NRXN3: variants seen among roughly 807,000 people sequenced by gnomAD.
The protein encoded by NRXN3 is neurexin III.
NRXN3 carries 32 observed loss-of-function variants against 137.6 expected under a neutral mutation model. The ratio of observed to expected loss-of-function variants is 0.23; its 90% CI spans 0.18 to 0.31. The LOEUF (loss-of-function observed/expected upper bound fraction) is 0.31, where lower values mean the gene tolerates loss of function less well. NRXN3 is among the 10% of genes least tolerant of loss of function. NRXN3 has a pLI of 1.00. For synonymous variants in NRXN3, 798 were observed against 784.5 expected (o/e 1.02, Z -0.29); for missense variants, 1,574 against 2,062.5 (o/e 0.76, Z 4.59).
intron 15 of NRXN3, among the ~76,000 whole-genome samples, chr14:79,303,216 A>T (rs1009671753): frequency 1.3e-5 from 2 of 152,020 alleles, no homozygotes; most frequent in African/African-American, 4.8e-5. Context: ...GGAATTTTTC[A>T]ATCAGCTCTT....
intron 6 of NRXN3, 126 bp downstream of exon 6, chr14:78,651,452 C>T: frequency 8.8e-7 from 1 of 1,132,004 alleles, no homozygotes; most frequent in East Asian, 2.6e-5. Flanking sequence ...GCAGAAACAA[C>T]CTTGAACTTG....
intron 10 of NRXN3, among the ~76,000 whole-genome samples, chr14:78,859,066 G>A (rs577097990): frequency 7.2e-5 from 11 of 152,050 alleles, no homozygotes; most frequent in African/African-American, 2.4e-4. Flanking sequence ...ACAGGGGGGC[G>A]GTTTCCCCCA....
intron 10 of NRXN3, among the ~76,000 whole-genome samples, chr14:78,858,383 G>A (rs929191208): frequency 6.6e-6 from 1 of 152,142 alleles, no homozygotes; most frequent in Non-Finnish European, 1.5e-5. Context: ...CAGGAAGCAG[G>A]CAGTTTGTAA....
At chr14:78,225,944 G>T (rs1261462061) in intron 1 of NRXN3, among the ~76,000 whole-genome samples, 14 of 148,032 alleles carry the variant, frequency 9.5e-5, no homozygotes, top group African/African-American at 3.5e-4. Context: ...AGTAGCAGGT[G>T]TTTTTTTGGT....
At chr14:79,507,535 A>G (rs1383009152) in intron 16 of NRXN3, among the ~76,000 whole-genome samples, 2 of 152,214 alleles carry the variant, frequency 1.3e-5, no homozygotes, top group Non-Finnish European at 1.5e-5. Flanking sequence ...TTAATAAAAT[A>G]CCAGGAAGAG....
chr14:78,805,840 G>A (rs1261219389), intron 9 of NRXN3, among the ~76,000 whole-genome samples: 1 of 152,064 alleles, frequency 6.6e-6, no homozygotes, highest in Non-Finnish European at 1.5e-5. Flanking sequence ...TCACATCTTA[G>A]AAGGAAAAAC....
intron 10 of NRXN3, among the ~76,000 whole-genome samples, chr14:78,846,082 A>G (rs750846042): frequency 7.2e-5 from 11 of 152,098 alleles, no homozygotes; most frequent in South Asian, 6.2e-4. Flanking sequence ...CTTCAAGAAC[A>G]TCTGCTTCAG....
intron 4 of NRXN3, among the ~76,000 whole-genome samples, chr14:78,390,805 G>A (rs527406947): frequency 6.6e-6 from 1 of 152,146 alleles, no homozygotes; most frequent in South Asian, 2.1e-4. Flanking sequence ...TAAGTTCCAC[G>A]ATACATGTGC....
chr14:78,563,768 C>T (rs2152280932), intron 4 of NRXN3, among the ~76,000 whole-genome samples: 1 of 152,276 alleles, frequency 6.6e-6, no homozygotes, highest in African/African-American at 2.4e-5. Context: ...TGAGATCATT[C>T]TCTTTTGCCT....
At chr14:79,282,285 C>G (rs943796982) in intron 15 of NRXN3, among the ~76,000 whole-genome samples, 1 of 151,994 alleles carries the variant, frequency 6.6e-6, no homozygotes, top group Non-Finnish European at 1.5e-5. Context: ...TTACTAATAG[C>G]CATAATTAAA....
intron 15 of NRXN3, among the ~76,000 whole-genome samples, chr14:79,048,123 G>A (rs2099635750): frequency 6.6e-6 from 1 of 152,118 alleles, no homozygotes; most frequent in Non-Finnish European, 1.5e-5. Flanking sequence ...CAACATGTAT[G>A]CATCTCAAAT....
intron 8 of NRXN3, among the ~76,000 whole-genome samples, chr14:78,768,921 G>T (rs1376372508): frequency 6.6e-6 from 1 of 152,158 alleles, no homozygotes; most frequent in African/African-American, 2.4e-5. Flanking sequence ...TTTTAAGGAG[G>T]ATCCATTACA....
chr14:78,469,947 T>G (rs2095225437), intron 4 of NRXN3, among the ~76,000 whole-genome samples: 1 of 152,254 alleles, frequency 6.6e-6, no homozygotes, highest in African/African-American at 2.4e-5. Flanking sequence ...TTGATATGCT[T>G]GTTGTTAATG....
intron 4 of NRXN3, among the ~76,000 whole-genome samples, chr14:78,467,174 C>A (rs1017683121): frequency 6.6e-6 from 1 of 152,172 alleles, no homozygotes; most frequent in Admixed American, 6.5e-5. Flanking sequence ...CAGGACCTCT[C>A]ACGACTGTGC....
At chr14:78,422,740 A>C (rs1025293273) in intron 4 of NRXN3, among the ~76,000 whole-genome samples, 1 of 152,202 alleles carries the variant, frequency 6.6e-6, no homozygotes, top group Non-Finnish European at 1.5e-5. Flanking sequence ...CAGTTCACAA[A>C]ATGAAGTGGT....
chr14:78,273,762 A>T (rs2073153865), intron 2 of NRXN3, among the ~76,000 whole-genome samples: 1 of 152,214 alleles, frequency 6.6e-6, no homozygotes, highest in Non-Finnish European at 1.5e-5. Flanking sequence ...ACCAGGTAAG[A>T]TTGATCTAGG....
At chr14:78,650,635 C>T (rs751139752) in intron 5 of NRXN3, among the ~76,000 whole-genome samples, 4 of 150,740 alleles carry the variant, frequency 2.7e-5, no homozygotes, top group Non-Finnish European at 5.9e-5. Context: ...GCATGTTTGT[C>T]AGCGTGGTGT....
At chr14:79,200,190 G>A (rs1243254844) in intron 15 of NRXN3, among the ~76,000 whole-genome samples, 3 of 152,304 alleles carry the variant, frequency 2.0e-5, no homozygotes, top group Middle Eastern at 3.4e-3. Context: ...AAATAACCCA[G>A]TGAGAATACC....
At chr14:79,623,435 C>T (rs913437628) in intron 16 of NRXN3, among the ~76,000 whole-genome samples, 14 of 152,206 alleles carry the variant, frequency 9.2e-5, no homozygotes, top group African/African-American at 3.1e-4. Context: ...GCTGTAGACA[C>T]TTCGTTTATC....
Sources: gnomAD v4.1 joint callset for allele counts (sites outside exome capture counted in the v4.1 genomes callset) on GRCh38, gnomAD v4.1.1 for gene constraint, MANE v1.5 for transcripts, NCBI Gene and HGNC (gene_info 2026-07-23, HGNC 2026-07-21) for gene names.